Variants in CFAP43 observed in about 807,000 individuals in gnomAD.
CFAP43 encodes cilia and flagella associated protein 43.
In CFAP43, 155 loss-of-function variants were observed where a neutral mutation model predicts 218.9. That is an observed-to-expected ratio of 0.71 (90% CI 0.62 to 0.81). The LOEUF is 0.81. CFAP43 is among the 30% of genes least tolerant of loss of function. CFAP43 has a pLI of 0.00. For missense variants in CFAP43, 1,778 were observed against 1,954.3 expected (o/e 0.91, Z 1.70); for synonymous variants, 645 against 681.3 (o/e 0.95, Z 0.83).
At chr10:104,203,129 A>T (rs1326256855) in intron 8 of CFAP43, among the ~76,000 whole-genome samples, 2 of 152,152 alleles carry the variant, frequency 1.3e-5, no homozygotes, top group African/African-American at 4.8e-5. Flanking sequence ...TTCTCATTTA[A>T]GTGGGTTGAC....
chr10:104,146,899 C>G (rs2088002815), intron 29 of CFAP43, among the ~76,000 whole-genome samples: 1 of 152,130 alleles, frequency 6.6e-6, no homozygotes, highest in African/African-American at 2.4e-5. Context: ...AATGAGTTGT[C>G]CCGCTTCTAA....
intron 3 of CFAP43, among the ~76,000 whole-genome samples, chr10:104,221,765 T>C (rs2091188245): frequency 6.6e-6 from 1 of 152,210 alleles, no homozygotes. Context: ...ATCCCATCTC[T>C]CTGAAGTTTC....
At chr10:104,198,264 T>C (rs533072940) in intron 8 of CFAP43, among the ~76,000 whole-genome samples, 2 of 152,298 alleles carry the variant, frequency 1.3e-5, no homozygotes, top group Admixed American at 1.3e-4. Context: ...CATTCACTTA[T>C]TCATCATTTT....
intron 14 of CFAP43, 135 bp downstream of exon 14, chr10:104,187,185 A>C: frequency 3.2e-6 from 2 of 617,754 alleles, no homozygotes; most frequent in Non-Finnish European, 4.8e-6. Flanking sequence ...GCTCAAGGGA[A>C]TTATATTAAT....
chr10:104,205,377 T>G (rs2090657222), intron 7 of CFAP43, among the ~76,000 whole-genome samples: 1 of 152,184 alleles, frequency 6.6e-6, no homozygotes, highest in Non-Finnish European at 1.5e-5. Context: ...GCTGGTGAAC[T>G]CTGTGAGATT....
intron 4 of CFAP43, among the ~76,000 whole-genome samples, chr10:104,212,377 A>G (rs1386548658): frequency 1.3e-5 from 2 of 152,240 alleles, no homozygotes; most frequent in Non-Finnish European, 2.9e-5. Flanking sequence ...AAAATTTTTG[A>G]AAGTTAATAT....
chr10:104,144,563 C>G (rs976680945), intron 31 of CFAP43, among the ~76,000 whole-genome samples: 1 of 152,168 alleles, frequency 6.6e-6, no homozygotes, highest in Non-Finnish European at 1.5e-5. Flanking sequence ...GCAGGAGAAA[C>G]GCTTGAACCC....
At chr10:104,216,840 T>G (rs1347753951) in intron 3 of CFAP43, among the ~76,000 whole-genome samples, 1 of 152,044 alleles carries the variant, frequency 6.6e-6, no homozygotes, top group African/African-American at 2.4e-5. Context: ...ATGGGATGCA[T>G]GAGCTCTTGC....
chr10:104,191,658 C>A (rs2134911274), intron 12 of CFAP43, among the ~76,000 whole-genome samples: 1 of 151,974 alleles, frequency 6.6e-6, no homozygotes, highest in East Asian at 1.9e-4. Flanking sequence ...CATTTTGCAC[C>A]TTGTAGGCAC....
chr10:104,186,966 G>A (rs1191676597), intron 14 of CFAP43, among the ~76,000 whole-genome samples: 1 of 152,188 alleles, frequency 6.6e-6, no homozygotes, highest in East Asian at 1.9e-4. Flanking sequence ...TTATGGCTTA[G>A]ATGCAAAGTT....
chr10:104,132,658 T>G, intron 35 of CFAP43: 4 of 985,426 alleles, frequency 4.1e-6, no homozygotes, highest in Non-Finnish European at 4.8e-6. Context: ...TGCCATAATA[T>G]TTCCCTGTAT....
At chr10:104,149,196 CTAAATT>C (rs1473383149) in intron 28 of CFAP43, among the ~76,000 whole-genome samples, 2 of 152,134 alleles carry the variant, frequency 1.3e-5, no homozygotes, top group Non-Finnish European at 2.9e-5. Context: ...CTGATTAAAT[CTAAATT>C]TGATCCTTTT....
intron 37 of CFAP43, 112 bp from the exon 38 acceptor site, chr10:104,130,417 C>A: frequency 1.6e-6 from 2 of 1,236,638 alleles, no homozygotes; most frequent in East Asian, 2.4e-5. Context: ...AAGGCATATG[C>A]ACTTGTATGT....
Position 104,207,783 on chromosome 10 carries a change from A to G in CFAP43, c.777T>C (p.His259=). 1.2e-6 allele frequency: 2 copies of G among 1,614,152 alleles called. No homozygotes were observed. The highest frequency in any genetic ancestry group is 1.7e-6 in the Non-Finnish European group (2 of 1,180,024). ...ACAAGTCACTTGTTGGAGTCCAGCA[A>G]TGCATAGTCGGGTGAAGCAAAGGAT... ...DLYPLLHPTM[H]CWTPTSDLYI... The change falls in exon 6 of 38, where the codon CAT becomes CAC. Residue 259 remains histidine, a synonymous_variant. Coordinates refer to ENST00000357060, the MANE Select transcript of CFAP43 (RefSeq NM_025145.7).
At chr10:104,210,721 C>T (rs955256703) in intron 5 of CFAP43, among the ~76,000 whole-genome samples, 3 of 151,350 alleles carry the variant, frequency 2.0e-5, no homozygotes, top group Non-Finnish European at 4.4e-5. Context: ...GTTCCTTACA[C>T]ATACCAAGTT....
chr10:104,203,668 A>C lies in CFAP43; in HGVS notation c.1095+4T>G. 1 of 1,596,688 alleles carries C rather than the reference A, an allele frequency of 6.3e-7. No homozygotes were observed. The highest frequency in any genetic ancestry group is 8.5e-7 in the Non-Finnish European group (1 of 1,173,936). ...ACATATCAAGAAATTACCATCCAAC[A>C]TACCTTGTCTGTTTGAATCAGCAAC... is the stretch of plus-strand genomic sequence containing the variant. On this transcript the variant is annotated splice_donor_region_variant and intron_variant, in intron 8 of 37. Coordinates refer to ENST00000357060, the MANE Select transcript of CFAP43 (RefSeq NM_025145.7).
At chr10:104,131,613 T>A in intron 36 of CFAP43, 129 bp from the exon 37 acceptor site, 2 of 1,079,498 alleles carry the variant, frequency 1.9e-6, no homozygotes, top group Non-Finnish European at 2.6e-6. Flanking sequence ...GCCATATCTG[T>A]AGTGCCTGGC....
At position 104,161,171 on chromosome 10, in the gene CFAP43, A is replaced by G. The variant is rs980903624; in HGVS notation, c.3415-9T>C. The G allele has an allele frequency of 6.2e-7, 1 of 1,612,326 alleles. No homozygotes were observed. Among genetic ancestry groups the G allele is most frequent in the African/African-American group, 1.3e-5 (1 of 74,896 alleles). ...GCAGGTTGAGGAATCACCTGAAGAT[A>G]TGAAGAAAAGCATATATTTCAGCTC... On this transcript the variant is annotated splice_polypyrimidine_tract_variant and intron_variant, in intron 26 of 37. Transcript: ENST00000357060.
chr10:104,222,772 T>C (rs929698172), intron 3 of CFAP43, among the ~76,000 whole-genome samples: 2 of 152,158 alleles, frequency 1.3e-5, no homozygotes, highest in Non-Finnish European at 2.9e-5. Flanking sequence ...CAGATATACC[T>C]AAAATGTACC....
Sources: allele counts gnomAD v4.1 joint callset (sites outside exome capture counted in the v4.1 genomes callset), GRCh38; gene constraint gnomAD v4.1.1; transcripts MANE v1.5; gene names NCBI Gene and HGNC (gene_info 2026-07-23, HGNC 2026-07-21).